Variants in PRKCH observed in about 807,000 individuals in gnomAD.
PRKCH encodes the protein protein kinase C eta.
Under a neutral mutation model 82.5 loss-of-function variants are expected in PRKCH, and 28 were observed. That is an observed-to-expected ratio of 0.34 (90% CI 0.25 to 0.47). The LOEUF (loss-of-function observed/expected upper bound fraction) is 0.47, where lower values mean the gene tolerates loss of function less well. Among genes scored for constraint, PRKCH ranks in the 20% least tolerant of loss-of-function variants. The pLI, the probability that PRKCH is intolerant of heterozygous loss-of-function variation, is 1.00. For synonymous variants in PRKCH, 322 were observed against 327.4 expected, an observed-to-expected ratio of 0.98 and a Z score of 0.18; for missense variants, 705 against 881.8, an observed-to-expected ratio of 0.80 and a Z score of 2.54.
At chr14:61,518,435 CAAAA>C (rs112769256) in intron 10 of PRKCH, among the ~76,000 whole-genome samples, 1 of 127,440 alleles carries the variant, frequency 7.8e-6, no homozygotes. Flanking sequence ...ATGTGGAATG[CAAAA>C]AAAAAAAAGA....
At position 61,194,875 on chromosome 14, in the gene PRKCH, A is replaced by G. The variant is rs773420447; in HGVS notation, c.-19+7207A>G. ...CACCCTCCTGAGTAGCTGGGATCAC[A>G]GGCATGTGCCACCATGCCCGGATAA... is the stretch of plus-strand genomic sequence containing the variant. On this transcript the variant is annotated intron_variant, in intron 1 of 3. Coordinates refer to the PRKCH transcript ENST00000555185. Among the ~76,000 whole-genome samples, 73 of 152,122 alleles carry G rather than the reference A, an allele frequency of 4.8e-4. 1 individual carries two copies. The highest frequency in any genetic ancestry group is 8.5e-4 in the Admixed American group (13 of 15,260).
chr14:61,322,518 T>C (rs2045641405), intron 1 of PRKCH, 54 bp downstream of exon 1: 2 of 1,539,628 alleles, frequency 1.3e-6, no homozygotes, highest in Non-Finnish European at 1.8e-6. Context: ...GTTCCCCTTA[T>C]GTTTTTCAAA....
At chr14:61,523,668 T>C (rs909600475) in intron 10 of PRKCH, among the ~76,000 whole-genome samples, 1 of 152,224 alleles carries the variant, frequency 6.6e-6, no homozygotes, top group Admixed American at 6.5e-5. Context: ...TCACAAAAGC[T>C]TTTTTCCAGG....
intron 1 of PRKCH, among the ~76,000 whole-genome samples, chr14:61,323,178 C>T (rs1035739615): frequency 9.2e-5 from 14 of 152,114 alleles, no homozygotes; most frequent in African/African-American, 2.7e-4. Flanking sequence ...TAACTGTCTT[C>T]CCTCCCCCCA....
At chr14:61,223,081 T>G (rs1370310756) in intron 1 of PRKCH, among the ~76,000 whole-genome samples, 1 of 152,210 alleles carries the variant, frequency 6.6e-6, no homozygotes, top group Non-Finnish European at 1.5e-5. Flanking sequence ...TCACAGGGGA[T>G]TTAAATGATG....
intron 1 of PRKCH, among the ~76,000 whole-genome samples, chr14:61,345,538 G>A (rs1246941214): frequency 6.6e-6 from 1 of 152,180 alleles, no homozygotes; most frequent in East Asian, 1.9e-4. Context: ...TGCAGTGTTG[G>A]AGCAGGGAAG....
intron 1 of PRKCH, among the ~76,000 whole-genome samples, chr14:61,328,094 C>A (rs2045723152): frequency 6.6e-6 from 1 of 151,152 alleles, no homozygotes; most frequent in African/African-American, 2.4e-5. Flanking sequence ...ACTAAAAATA[C>A]AAAAAATTAG....
At chr14:61,485,391 C>T in intron 9 of PRKCH, 111 bp from the exon 10 acceptor site, 1 of 1,350,916 alleles carries the variant, frequency 7.4e-7, no homozygotes, top group Admixed American at 2.1e-5. Context: ...TCCTGGAATA[C>T]ATCCACTTGA....
At chr14:61,380,375 A>AAAGTGTTGGGATTTCAGGTGTGG (rs2046487281) in intron 1 of PRKCH, among the ~76,000 whole-genome samples, 1 of 149,100 alleles carries the variant, frequency 6.7e-6, no homozygotes, top group Admixed American at 7.9e-5. Flanking sequence ...TTCAGGTGTG[A>AAAGTGTTGGGATTTCAGGTGTGG]GCCACTGCAG....
intron 1 of PRKCH, among the ~76,000 whole-genome samples, chr14:61,191,027 A>G (rs1423708642): frequency 6.6e-6 from 1 of 152,260 alleles, no homozygotes; most frequent in Non-Finnish European, 1.5e-5. Flanking sequence ...ATGAAAGGAG[A>G]GTCACAGGAT....
chr14:61,322,473 C>G lies in PRKCH; in HGVS notation c.363+9C>G, dbSNP rs374848237. 6 of 1,587,078 alleles carry G rather than the reference C, an allele frequency of 3.8e-6. No individual in the cohort carries two copies. In the African/African-American group the frequency reaches 6.7e-5, roughly 18 times the overall value. Reference sequence around the variant, plus strand: ...ACACCTTCGAGGGTTGGGTGAGTAGCGGTGACCCCTTCCCTTTGTGTCCAC... The same window carrying G: ...ACACCTTCGAGGGTTGGGTGAGTAGGGGTGACCCCTTCCCTTTGTGTCCAC... On this transcript the variant is annotated intron_variant, in intron 1 of 13. Coordinates refer to ENST00000332981, the MANE Select transcript of PRKCH (RefSeq NM_006255.5).
Position 61,382,391 on chromosome 14 carries a change from C to T in PRKCH, c.364-8834C>T, listed in dbSNP as rs529142236. 4.6e-5 allele frequency among the ~76,000 whole-genome samples: 7 copies of T among 152,172 alleles called. No homozygotes were observed. The South Asian group carries it at 1.4e-3, about 32-fold the overall frequency. Reference sequence around the variant, plus strand: ...GTTTCAGTGAGCTGTGATTGTGCCACTGCACTCTAGCCTGGGTGACAGAGC... The same window carrying T: ...GTTTCAGTGAGCTGTGATTGTGCCATTGCACTCTAGCCTGGGTGACAGAGC... On this transcript the variant is annotated intron_variant, in intron 1 of 13. Coordinates refer to ENST00000332981, the MANE Select transcript of PRKCH (RefSeq NM_006255.5).
chr14:61,308,360 G>A (rs755581336), intron 1 of PRKCH, among the ~76,000 whole-genome samples: 18 of 152,258 alleles, frequency 1.2e-4, no homozygotes, highest in Admixed American at 2.0e-4. Context: ...ACAAGCACAG[G>A]TGTTTCCTGA....
At chr14:61,382,322 C>T (rs923422228) in intron 1 of PRKCH, among the ~76,000 whole-genome samples, 2 of 152,090 alleles carry the variant, frequency 1.3e-5, no homozygotes, top group African/African-American at 4.8e-5. Flanking sequence ...CCCAGCTACA[C>T]TGGAGGCTTA....
chr14:61,493,388 G>T (rs1342435074), intron 10 of PRKCH, among the ~76,000 whole-genome samples: 4 of 152,176 alleles, frequency 2.6e-5, no homozygotes, highest in Non-Finnish European at 1.5e-5. Context: ...AGAAGGGCTA[G>T]AGGGCATTCC....
intron 2 of PRKCH, among the ~76,000 whole-genome samples, chr14:61,411,083 C>T (rs1352858665): frequency 6.6e-6 from 1 of 152,212 alleles, no homozygotes; most frequent in Non-Finnish European, 1.5e-5. Context: ...GATCAGAGCT[C>T]AGCAAGGATT....
intron 10 of PRKCH, among the ~76,000 whole-genome samples, chr14:61,507,402 C>T (rs1457493771): frequency 1.3e-5 from 2 of 152,102 alleles, no homozygotes; most frequent in African/African-American, 4.8e-5. Context: ...ACAAATAGAA[C>T]TATCATATGA....
chr14:61,308,369 G>A (rs550367182), intron 1 of PRKCH, among the ~76,000 whole-genome samples: 15 of 152,180 alleles, frequency 9.9e-5, no homozygotes, highest in Non-Finnish European at 2.2e-4. Context: ...GGTGTTTCCT[G>A]ATTTCAGTTG....
chr14:61,348,218 G>T (rs1038399303), intron 1 of PRKCH, among the ~76,000 whole-genome samples: 4 of 152,204 alleles, frequency 2.6e-5, no homozygotes, highest in African/African-American at 9.7e-5. Flanking sequence ...CAGCCAGAGA[G>T]CAGGGGGCCA....
Sources: allele counts gnomAD v4.1 joint callset (sites outside exome capture counted in the v4.1 genomes callset), GRCh38; gene constraint gnomAD v4.1.1; transcripts MANE v1.5; gene names NCBI Gene and HGNC (gene_info 2026-07-23, HGNC 2026-07-21).